Variants in VWDE observed in about 807,000 individuals in gnomAD.
VWDE encodes von Willebrand factor D and EGF domain-containing protein.
A neutral mutation model predicts 178.4 loss-of-function variants in VWDE; 207 were observed. That is an observed-to-expected ratio of 1.16 (90% CI 1.04 to 1.30). VWDE has a LOEUF of 1.30. Ranked by LOEUF, VWDE falls within the 50% of genes most tolerant of loss-of-function variation. The probability of loss-of-function intolerance (pLI) is 0.00; values close to 1 mark genes in which losing one functional copy is unlikely to be tolerated. For missense variants in VWDE, 2,287 were observed against 1,901.3 expected (o/e 1.20, Z -3.77); for synonymous variants, 738 against 651.4 (o/e 1.13, Z -2.02).
rs775000851 is a variant in VWDE at position 12,377,938 on chromosome 7, G to T, written c.880-18C>A. ...GGCTGTAGCTGGTATAAGAAAATAC[G>T]TAGAAAAATTATGTTAAAATATAAT... On this transcript the variant is annotated intron_variant, in intron 6 of 28. Transcript: ENST00000275358. The T allele has an allele frequency of 5.9e-6, 8 of 1,351,766 alleles. No homozygotes were observed. The highest frequency in any genetic ancestry group is 7.7e-6 in the Non-Finnish European group (8 of 1,045,378). 83.7% of individuals were successfully genotyped at this position (1,351,766 alleles called of 1,614,324 possible).
At chr7:12,342,001 A>G in intron 23 of VWDE, 58 bp downstream of exon 23, 1 of 1,370,558 alleles carries the variant, frequency 7.3e-7, no homozygotes, top group Non-Finnish European at 1.0e-6. Context: ...CGTCTTCAGG[A>G]CATTGGCATA....
chr7:12,361,668 T>A (rs1207407158), intron 13 of VWDE, 147 bp from the exon 14 acceptor site: 2 of 698,598 alleles, frequency 2.9e-6, no homozygotes, highest in African/African-American at 1.8e-5. Context: ...ACATTGGGAG[T>A]GAGTTTTATT....
intron 18 of VWDE, chr7:12,354,479 A>C (rs532454963): frequency 4.2e-5 from 16 of 382,052 alleles, no homozygotes; most frequent in African/African-American, 1.7e-4. Flanking sequence ...TCTTCCTGGC[A>C]ATTTTTGCCT....
chr7:12,357,169 C>G (rs1170083875), intron 17 of VWDE, 96 bp downstream of exon 17: 1 of 1,422,456 alleles, frequency 7.0e-7, no homozygotes, highest in East Asian at 2.5e-5. Flanking sequence ...CTTTGTTGCT[C>G]TTTACAACTA....
At chr7:12,355,653 C>A (rs1386697911) in intron 18 of VWDE, among the ~76,000 whole-genome samples, 1 of 152,088 alleles carries the variant, frequency 6.6e-6, no homozygotes, top group Admixed American at 6.6e-5. Context: ...CATTTTAGGG[C>A]AATTAATGAG....
intron 19 of VWDE, among the ~76,000 whole-genome samples, chr7:12,350,382 A>T (rs1362813166): frequency 6.6e-6 from 1 of 152,150 alleles, no homozygotes; most frequent in East Asian, 1.9e-4. Context: ...TGTTAACTAC[A>T]ATTATAGCAA....
intron 18 of VWDE, among the ~76,000 whole-genome samples, chr7:12,352,882 A>AT (rs1006779051): frequency 5.9e-5 from 9 of 152,102 alleles, no homozygotes; most frequent in Middle Eastern, 3.4e-3. Context: ...ATGCCCACCA[A>AT]TTTTTTTTGT....
intron 13 of VWDE, among the ~76,000 whole-genome samples, chr7:12,364,401 A>G (rs541055480): frequency 6.6e-6 from 1 of 152,242 alleles, no homozygotes; most frequent in African/African-American, 2.4e-5. Context: ...TAGGAAAAAT[A>G]TGAGTCTGGA....
In VWDE at chr7:12,377,884, T is replaced by C; in HGVS notation, c.916A>G (p.Lys306Glu). The change falls in exon 7 of 29, where the codon AAA becomes GAA. Residue 306 changes from lysine to glutamate, a missense_variant. Physicochemically the swap from Lys to Glu is moderately conservative, Grantham distance 56. Coordinates refer to ENST00000275358, the MANE Select transcript of VWDE (RefSeq NM_001135924.3). ...PELSTISEDG[K>E]EYYLRIESTV... is the part of the protein sequence containing the mutation. ...CTTTCTATCCTCAGGTAGTATTCTT[T>C]CCCATCCTCTGATATAGTGCTCAAT... 5 of 1,518,276 alleles carry C rather than the reference T, an allele frequency of 3.3e-6. No individual in the cohort carries two copies. The highest frequency in any genetic ancestry group is 4.4e-6 in the Non-Finnish European group (5 of 1,132,340). The allele number at this position is 1,518,276 out of a possible 1,614,324, so 94.1% of individuals were successfully genotyped here.
At position 12,370,800 on chromosome 7, in the gene VWDE, A is replaced by G; in HGVS notation, c.1652T>C (p.Ile551Thr). The change falls in exon 11 of 29, where the codon ATC (isoleucine) becomes ACC (threonine). Residue 551 changes from isoleucine (I) to threonine (T), a missense_variant. Ile to Thr is a moderately conservative substitution (Grantham distance 89). Coordinates refer to ENST00000275358, the MANE Select transcript of VWDE (RefSeq NM_001135924.3). The part of the protein sequence containing the change: ...DLGEWGMSLT[I>T]RAPSVDYRNT... ...TCTGTAATCTACACTAGGGGCTCTG[A>G]TCGTTAGACTCATGCCCCATTCACC... 2 of 1,551,242 alleles carry G rather than the reference A, an allele frequency of 1.3e-6. No homozygotes were observed. The highest frequency in any genetic ancestry group is 1.7e-6 in the Non-Finnish European group (2 of 1,146,678).
intron 7 of VWDE, 96 bp downstream of exon 7, chr7:12,377,680 T>C: frequency 1.4e-6 from 1 of 713,418 alleles, no homozygotes; most frequent in Non-Finnish European, 2.0e-6. Context: ...CAACATGATT[T>C]ATTATATGAG....
At position 12,377,913 on chromosome 7, in the gene VWDE, G is replaced by T; in HGVS notation, c.887C>A (p.Pro296His). The T allele has an allele frequency of 1.4e-6, 2 of 1,416,714 alleles. No homozygotes were observed. The highest frequency in any genetic ancestry group is 9.2e-7 in the Non-Finnish European group (1 of 1,084,296). 87.8% of individuals were successfully genotyped at this position (1,416,714 alleles called of 1,614,324 possible). A position where few individuals can be genotyped will look rare whatever the true frequency, so the allele number is the denominator to read the frequency against. Residue 296 changes from proline to histidine, a missense_variant, in exon 7 of 29, where the codon CCT (proline) becomes CAT (histidine). By Grantham distance (77) the Pro-to-His change is moderately conservative. Coordinates refer to ENST00000275358, the MANE Select transcript of VWDE (RefSeq NM_001135924.3). ...QEFFAGFKLQ[P>H]ELSTISEDGK... ...ATCCTCTGATATAGTGCTCAATTCA[G>T]GCTGTAGCTGGTATAAGAAAATACG...
rs116117858 is a variant in VWDE at position 12,370,768 on chromosome 7, G to C, written c.1684C>G (p.Leu562Val). The C allele has an allele frequency of 8.4e-6, 13 of 1,551,100 alleles. No individual in the cohort carries two copies. The highest frequency in any genetic ancestry group is 1.2e-5 in the South Asian group (1 of 84,042). ...RAPSVDYRNT[L>V]GLCGTFDENP... ...TCATCAAAGGTTCCACAAAGTCCCA[G>C]AGTGTTTCTGTAATCTACACTAGGG... is the stretch of plus-strand genomic sequence containing the variant. The change falls in exon 11 of 29, where the codon CTG (leucine) becomes GTG (valine). Residue 562 changes from leucine (L) to valine (V), a missense_variant. Transcript: ENST00000275358.
chr7:12,396,989 G>C (rs1269049349), intron 1 of VWDE, among the ~76,000 whole-genome samples: 1 of 151,804 alleles, frequency 6.6e-6, no homozygotes, highest in Admixed American at 6.6e-5. Context: ...ATGGCCATAT[G>C]CCCTAAGCAA....
chr7:12,393,474 C>G, intron 2 of VWDE, 120 bp downstream of exon 2: 1 of 841,118 alleles, frequency 1.2e-6, no homozygotes, highest in Non-Finnish European at 1.8e-6. Flanking sequence ...TTCAGATTAA[C>G]TCAATACAAA....
chr7:12,377,234 G>A (rs1326102883), intron 7 of VWDE, among the ~76,000 whole-genome samples: 1 of 152,110 alleles, frequency 6.6e-6, no homozygotes, highest in Non-Finnish European at 1.5e-5. Context: ...ATGTGGCCAT[G>A]TATCACAACA....
intron 1 of VWDE, among the ~76,000 whole-genome samples, chr7:12,398,357 T>A (rs1784722399): frequency 6.6e-6 from 1 of 152,172 alleles, no homozygotes; most frequent in Non-Finnish European, 1.5e-5. Context: ...CCAGATGGTA[T>A]CAAGGAACTG....
intron 11 of VWDE, 64 bp downstream of exon 11, chr7:12,370,592 T>C: frequency 6.5e-7 from 1 of 1,534,738 alleles, no homozygotes; most frequent in African/African-American, 1.4e-5. Flanking sequence ...AAGCAGAGTG[T>C]TGAGCCACCA....
rs767533813 is a variant in VWDE, at chr7:12,389,205, C to A, written c.397G>T (p.Val133Leu). Residue 133 changes from valine to leucine, a missense_variant, in exon 3 of 29, where the codon GTG (valine) becomes TTG (leucine). Val to Leu is a conservative substitution (Grantham distance 32, BLOSUM62 1). Coordinates refer to ENST00000275358, the MANE Select transcript of VWDE (RefSeq NM_001135924.3). ...AAGTTCCCACAGTTTCTTACAGACA[C>A]TGGGATTTGAAAGAGACAGCAGTCT... ...TKDCCLFQIP[V>L]SVRNCGNFSV... 27 of 1,551,704 alleles carry A rather than the reference C, an allele frequency of 1.7e-5. No homozygotes were observed. In the South Asian group the frequency reaches 3.0e-4, roughly 17 times the overall value.
Sources: allele counts gnomAD v4.1 joint callset (sites outside exome capture counted in the v4.1 genomes callset), GRCh38; gene constraint gnomAD v4.1.1; transcripts MANE v1.5; gene names NCBI Gene and HGNC (gene_info 2026-07-23, HGNC 2026-07-21).